RNGTT: variants seen among roughly 807,000 people sequenced by gnomAD.
RNGTT encodes the protein mRNA-capping enzyme.
RNGTT carries 33 observed loss-of-function variants against 79.3 expected under a neutral mutation model. That is an observed-to-expected ratio of 0.42 (90% confidence interval 0.32 to 0.56). The LOEUF (loss-of-function observed/expected upper bound fraction) is 0.56, where lower values mean the gene tolerates loss of function less well. RNGTT is among the 20% of genes least tolerant of loss of function. The probability of loss-of-function intolerance (pLI) is 0.17; values close to 1 mark genes in which losing one functional copy is unlikely to be tolerated. For synonymous variants in RNGTT, 222 were observed against 235.9 expected, an observed-to-expected ratio of 0.94 and a Z score of 0.54; for missense variants, 497 against 739.1, an observed-to-expected ratio of 0.67 and a Z score of 3.80.
chr6:88,906,905 A>T (rs1783672615), intron 4 of RNGTT, among the ~76,000 whole-genome samples: 1 of 152,246 alleles, frequency 6.6e-6, no homozygotes, highest in Admixed American at 6.5e-5. Context: ...AAAATCCAGA[A>T]GCTAGAACAG....
intron 12 of RNGTT, among the ~76,000 whole-genome samples, chr6:88,797,863 C>T (rs887182126): frequency 8.2e-6 from 1 of 121,290 alleles, no homozygotes; most frequent in African/African-American, 3.2e-5. Flanking sequence ...TTCCACAGTA[C>T]AAAGTAAGCA....
At chr6:88,719,239 G>A (rs1307235418) in intron 13 of RNGTT, among the ~76,000 whole-genome samples, 2 of 152,232 alleles carry the variant, frequency 1.3e-5, no homozygotes, top group South Asian at 2.1e-4. Context: ...TGCCACATTT[G>A]ACATTTGGCT....
intron 13 of RNGTT, among the ~76,000 whole-genome samples, chr6:88,715,903 T>C (rs1193708613): frequency 1.3e-5 from 2 of 152,132 alleles, no homozygotes; most frequent in Non-Finnish European, 2.9e-5. Flanking sequence ...GACATAGGCA[T>C]GGGCAAGGAC....
In RNGTT at chr6:88,801,742, C is replaced by T. The variant is rs545177478; in HGVS notation, c.1270-110G>A. The stretch of plus-strand genomic sequence containing the variant: ...CTTCTTAATATATAAGTTATAAGAA[C>T]TGAAATACAAAATAAGAGAAAGGGA... On this transcript the variant is annotated intron_variant, in intron 11 of 15. Transcript: ENST00000369485. 3 of 640,718 alleles carry T rather than the reference C, an allele frequency of 4.7e-6. No homozygotes were observed. The African/African-American group carries it at 5.6e-5, about 12-fold the overall frequency. The allele number at this position is 640,718 out of a possible 1,614,324, so 39.7% of individuals were successfully genotyped here.
rs1413637106 is a variant in RNGTT at position 88,963,468 on chromosome 6, G to A, written c.-59C>T. ...CAACGTTCACCGCGCCTTTGGAGCCGCCTCCCCGTGGTCCGGTGCACACCG... is the reference window on the plus strand; with the variant it reads ...CAACGTTCACCGCGCCTTTGGAGCCACCTCCCCGTGGTCCGGTGCACACCG... On this transcript the variant is annotated 5_prime_UTR_variant, in exon 1 of 16. Coordinates refer to ENST00000369485, the MANE Select transcript of RNGTT (RefSeq NM_003800.5). The A allele has an allele frequency of 2.7e-6, 4 of 1,477,020 alleles. No homozygotes were observed. The South Asian group carries it at 3.9e-5, about 15-fold the overall frequency. The allele number at this position is 1,477,020 out of a possible 1,614,324, so 91.5% of individuals were successfully genotyped here. A position where few individuals can be genotyped will look rare whatever the true frequency, so the allele number is the denominator to read the frequency against.
At chr6:88,737,047 T>C (rs186541453) in intron 13 of RNGTT, among the ~76,000 whole-genome samples, 2 of 152,318 alleles carry the variant, frequency 1.3e-5, no homozygotes, top group Admixed American at 1.3e-4. Flanking sequence ...GCAAAGCCAG[T>C]TGTTCTGAAA....
intron 12 of RNGTT, among the ~76,000 whole-genome samples, chr6:88,772,312 T>C (rs1778712903): frequency 6.6e-6 from 1 of 151,238 alleles, no homozygotes; most frequent in Non-Finnish European, 1.5e-5. Context: ...CATATGTTCA[T>C]GGATAGGAAG....
At chr6:88,826,797 A>ATAT (rs1307433183) in intron 11 of RNGTT, among the ~76,000 whole-genome samples, 17 of 119,700 alleles carry the variant, frequency 1.4e-4, no homozygotes, top group African/African-American at 5.8e-4. Flanking sequence ...AGAAAAAAAA[A>ATAT]AAATATATAT....
chr6:88,836,155 G>T (rs1439974196), intron 11 of RNGTT, among the ~76,000 whole-genome samples: 1 of 150,148 alleles, frequency 6.7e-6, no homozygotes, highest in Admixed American at 6.6e-5. Context: ...TTCACCATAT[G>T]AAAGTATGAA....
chr6:88,639,777 A>G (rs1773239280), intron 14 of RNGTT, among the ~76,000 whole-genome samples: 1 of 152,238 alleles, frequency 6.6e-6, no homozygotes. Flanking sequence ...GATGATGAAG[A>G]CAGCAGCCAC....
chr6:88,913,701 C>T (rs372852777), intron 4 of RNGTT, among the ~76,000 whole-genome samples: 1 of 152,124 alleles, frequency 6.6e-6, no homozygotes, highest in African/African-American at 2.4e-5. Context: ...CATTGAAGAA[C>T]ATACCTCAAA....
chr6:88,895,650 T>A (rs1212256135), intron 6 of RNGTT, among the ~76,000 whole-genome samples: 1 of 152,180 alleles, frequency 6.6e-6, no homozygotes, highest in Non-Finnish European at 1.5e-5. Flanking sequence ...AGAGATGTGA[T>A]CTATAAAATA....
Position 88,845,160 on chromosome 6 carries a change from G to A in RNGTT, c.1105-639C>T, listed in dbSNP as rs148862696. On this transcript the variant is annotated intron_variant, in intron 10 of 15. Coordinates refer to ENST00000369485, the MANE Select transcript of RNGTT (RefSeq NM_003800.5). Reference sequence around the variant, plus strand: ...AGCGAGTAACACACCAAAATAGGTCGCACAGTTACCTACAATGTTTTTTGT... The same window carrying A: ...AGCGAGTAACACACCAAAATAGGTCACACAGTTACCTACAATGTTTTTTGT... 1.4e-3 allele frequency among the ~76,000 whole-genome samples: 207 copies of A among 151,484 alleles called. 3 individuals carry two copies. The highest frequency in any genetic ancestry group is 4.8e-3 in the African/African-American group (196 of 40,886).
intron 13 of RNGTT, among the ~76,000 whole-genome samples, chr6:88,716,725 C>A (rs921282424): frequency 6.6e-6 from 1 of 152,030 alleles, no homozygotes. Context: ...GGACAAAAAA[C>A]CAAACACTGC....
intron 14 of RNGTT, among the ~76,000 whole-genome samples, chr6:88,627,373 C>T (rs972566365): frequency 6.6e-6 from 1 of 152,116 alleles, no homozygotes; most frequent in Non-Finnish European, 1.5e-5. Context: ...GGAGTCCTTA[C>T]ATTTACTTTC....
At chr6:88,696,795 C>G (rs1297019021) in intron 13 of RNGTT, among the ~76,000 whole-genome samples, 1 of 151,922 alleles carries the variant, frequency 6.6e-6, no homozygotes, top group East Asian at 1.9e-4. Flanking sequence ...TGGAGTTTTC[C>G]TCTTCCCCTG....
At position 88,630,825 on chromosome 6, in the gene RNGTT, A is replaced by G. The variant is rs149555420; in HGVS notation, c.1507-16430T>C. On this transcript the variant is annotated intron_variant, in intron 14 of 15. Transcript: ENST00000369485. ...TAGTAACTTGTTTTTTTGCTTAAAT[A>G]TTTTTTTAGAAATCAAAACCCAACA... Among the ~76,000 whole-genome samples the G allele has an allele frequency of 2.0e-3, 309 of 151,692 alleles. 2 individuals are homozygous for G. The highest frequency in any genetic ancestry group is 7.3e-3 in the African/African-American group (302 of 41,320).
chr6:88,843,328 GA>G (rs1320421983), intron 11 of RNGTT, among the ~76,000 whole-genome samples: 2 of 152,078 alleles, frequency 1.3e-5, no homozygotes, highest in African/African-American at 4.8e-5. Flanking sequence ...AATGTTCACT[GA>G]AACAGTGTTG....
At chr6:88,759,773 G>A (rs1778145985) in intron 13 of RNGTT, among the ~76,000 whole-genome samples, 1 of 152,056 alleles carries the variant, frequency 6.6e-6, no homozygotes, top group East Asian at 1.9e-4. Flanking sequence ...AATAAAAAAG[G>A]AGTTCAAGAT....
Sources: gnomAD v4.1 joint callset for allele counts (sites outside exome capture counted in the v4.1 genomes callset) on GRCh38, gnomAD v4.1.1 for gene constraint, MANE v1.5 for transcripts, NCBI Gene and HGNC (gene_info 2026-07-23, HGNC 2026-07-21) for gene names.